RALGPS1: variants seen among roughly 807,000 people sequenced by gnomAD.
The protein encoded by RALGPS1 is Ral GEF with PH domain and SH3 binding motif 1, also known as ras-specific guanine nucleotide-releasing factor RalGPS1.
In RALGPS1, 19 loss-of-function variants were observed where a neutral mutation model predicts 78.8. The ratio of observed to expected loss-of-function variants is 0.24; its 90% CI spans 0.17 to 0.35. The LOEUF (loss-of-function observed/expected upper bound fraction) is 0.35, where lower values mean the gene tolerates loss of function less well. RALGPS1 is among the 10% of genes least tolerant of loss of function. The pLI is 1.00. For synonymous variants in RALGPS1, 228 were observed against 256.3 expected, an observed-to-expected ratio of 0.89 and a Z score of 1.06; for missense variants, 454 against 688.3, an observed-to-expected ratio of 0.66 and a Z score of 3.81.
At chr9:127,099,149 C>T (rs2053469215) in intron 8 of RALGPS1, among the ~76,000 whole-genome samples, 1 of 152,200 alleles carries the variant, frequency 6.6e-6, no homozygotes, top group Non-Finnish European at 1.5e-5. Flanking sequence ...CCTTTTTATC[C>T]CCTGAGTCCA....
chr9:127,197,097 G>A (rs1028455006), intron 13 of RALGPS1, among the ~76,000 whole-genome samples: 29 of 152,218 alleles, frequency 1.9e-4, no homozygotes, highest in Admixed American at 1.8e-3. Context: ...GCTAGAAGGA[G>A]GGAGGATGAA....
At chr9:127,099,072 G>A (rs1187586933) in intron 8 of RALGPS1, among the ~76,000 whole-genome samples, 1 of 152,224 alleles carries the variant, frequency 6.6e-6, no homozygotes, top group East Asian at 1.9e-4. Flanking sequence ...GAGGTGTGGG[G>A]GGAGGAGCAG....
intron 11 of RALGPS1, among the ~76,000 whole-genome samples, chr9:127,191,409 T>G (rs1260529709): frequency 6.6e-6 from 1 of 152,214 alleles, no homozygotes; most frequent in Non-Finnish European, 1.5e-5. Context: ...TTTTGTCTTT[T>G]TCCACATGGA....
chr9:127,139,360 C>T lies in RALGPS1; in HGVS notation c.611-26709C>T, dbSNP rs953426365. Among the ~76,000 whole-genome samples, 16 of 152,242 alleles carry T rather than the reference C, an allele frequency of 1.1e-4. 1 individual carries two copies. The highest frequency in any genetic ancestry group is 5.9e-4 in the Admixed American group (9 of 15,286). ...CCAGGTCAGGCCACCCCATCTTCTC[C>T]TCTTCAGGAATGGGGCCTCTTGTTC... On this transcript the variant is annotated intron_variant, in intron 8 of 18. Transcript: ENST00000259351.
intron 1 of RALGPS1, among the ~76,000 whole-genome samples, chr9:126,934,202 CAGACCTTGT>C (rs59717071): frequency 0.38 from 56,972 of 151,718 alleles, 12,436 homozygotes; most frequent in Non-Finnish European, 0.48. Context: ...AGATTGAAGT[CAGACCTTGT>C]AGCACTGTAA....
At position 127,212,370 on chromosome 9, in the gene RALGPS1, C is replaced by T. The variant is rs2062316291; in HGVS notation, c.1353+134C>T. On this transcript the variant is annotated intron_variant, in intron 15 of 18. Transcript: ENST00000259351. This position sits in a 1 kb window ranked among gnomAD's most constrained non-coding sequence, Gnocchi z 6.0. ...TGCAGTGGGCATGCAGCGAGCTGAACTCTCAGGAATTATACCTGACACTGC... is the reference window on the plus strand; with the variant it reads ...TGCAGTGGGCATGCAGCGAGCTGAATTCTCAGGAATTATACCTGACACTGC... The T allele has an allele frequency of 2.8e-6, 2 of 711,014 alleles. No individual in the cohort carries two copies. The highest frequency in any genetic ancestry group is 1.9e-5 in the South Asian group (1 of 52,064). The allele number at this position is 711,014 out of a possible 1,614,324, so 44.0% of individuals were successfully genotyped here.
At chr9:127,074,232 A>G (rs542696490) in intron 8 of RALGPS1, among the ~76,000 whole-genome samples, 15 of 152,370 alleles carry the variant, frequency 9.8e-5, no homozygotes, top group African/African-American at 3.1e-4. Context: ...TCTTGCAAAC[A>G]GCATTTAGTT....
chr9:126,948,634 TTCTGCC>T (rs2037504623), intron 1 of RALGPS1, among the ~76,000 whole-genome samples: 1 of 152,162 alleles, frequency 6.6e-6, no homozygotes, highest in Non-Finnish European at 1.5e-5. Flanking sequence ...TTTTCTCCCC[TTCTGCC>T]TCCTCAGCTT....
At chr9:127,184,407 G>T (rs550001783) in intron 11 of RALGPS1, 48 of 280,374 alleles carry the variant, frequency 1.7e-4, no homozygotes, top group South Asian at 7.0e-4. Flanking sequence ...CGTGAGAGCT[G>T]CATGTATGAG....
At chr9:127,104,846 G>T (rs1338318367) in intron 8 of RALGPS1, among the ~76,000 whole-genome samples, 3 of 152,220 alleles carry the variant, frequency 2.0e-5, no homozygotes, top group Admixed American at 2.0e-4. Context: ...GGTATTTCTG[G>T]CTAAGTGATG....
chr9:127,195,263 C>T (rs767877613), intron 12 of RALGPS1, 46 bp downstream of exon 12: 4 of 1,597,800 alleles, frequency 2.5e-6, no homozygotes, highest in African/African-American at 1.3e-5. Context: ...GACCGTCCTG[C>T]ACATGGGCCT....
intron 17 of RALGPS1, chr9:127,213,769 A>G (rs564601435): frequency 1.1e-4 from 17 of 152,432 alleles, no homozygotes; most frequent in African/African-American, 4.1e-4. Context: ...GGGTTCATGA[A>G]CACACAAATC....
chr9:127,047,733 A>T (rs1236175438), intron 5 of RALGPS1, among the ~76,000 whole-genome samples: 2 of 150,636 alleles, frequency 1.3e-5, no homozygotes, highest in Non-Finnish European at 3.0e-5. Context: ...GACTAGAAGG[A>T]TGCATACCAC....
intron 18 of RALGPS1, chr9:127,217,188 G>A: frequency 8.1e-7 from 1 of 1,239,764 alleles, no homozygotes; most frequent in Non-Finnish European, 1.0e-6. Flanking sequence ...GTGTAGCATG[G>A]CAAGGCTACA....
At chr9:127,021,627 CTT>C (rs58796181) in intron 4 of RALGPS1, among the ~76,000 whole-genome samples, 225 of 131,940 alleles carry the variant, frequency 1.7e-3, no homozygotes, top group East Asian at 2.4e-3. Context: ...TCTTCTTCTT[CTT>C]TTTTTTTTTT....
At chr9:127,138,811 A>G (rs2138568082) in intron 8 of RALGPS1, among the ~76,000 whole-genome samples, 1 of 152,292 alleles carries the variant, frequency 6.6e-6, no homozygotes, top group Middle Eastern at 3.4e-3. Flanking sequence ...GAAAAGCCTG[A>G]TGTGACATCC....
chr9:127,158,782 A>G (rs1286340042), intron 8 of RALGPS1, among the ~76,000 whole-genome samples: 2 of 142,988 alleles, frequency 1.4e-5, no homozygotes, highest in South Asian at 2.3e-4. Flanking sequence ...CGGTGGTTAC[A>G]TGGCCTTGCA....
intron 1 of RALGPS1, among the ~76,000 whole-genome samples, chr9:126,957,788 C>T (rs1238487957): frequency 6.6e-6 from 1 of 152,070 alleles, no homozygotes. Flanking sequence ...CTGTTTCCCT[C>T]CTCTCAGTGC....
chr9:127,099,655 G>T (rs914592034), intron 8 of RALGPS1, among the ~76,000 whole-genome samples: 3 of 152,194 alleles, frequency 2.0e-5, no homozygotes, highest in African/African-American at 7.2e-5. Flanking sequence ...TTATCCAGAG[G>T]CTTGGCAAAA....
Sources: allele counts gnomAD v4.1 joint callset (sites outside exome capture counted in the v4.1 genomes callset), GRCh38; gene constraint gnomAD v4.1.1; non-coding constraint Gnocchi (gnomAD v3.1); transcripts MANE v1.5; gene names NCBI Gene and HGNC (gene_info 2026-07-23, HGNC 2026-07-21).